Variants in CD300A observed in about 807,000 individuals in gnomAD.
CD300A encodes the protein CMRF35-like molecule 8.
CD300A carries 22 observed loss-of-function variants against 33.6 expected under a neutral mutation model. That is an observed-to-expected ratio of 0.66 (90% CI 0.47 to 0.94). The LOEUF (loss-of-function observed/expected upper bound fraction) is 0.94, where lower values mean the gene tolerates loss of function less well. CD300A is among the 40% of genes least tolerant of loss of function. The pLI is 0.00. For synonymous variants in CD300A, 136 were observed against 148.1 expected, an observed-to-expected ratio of 0.92 and a Z score of 0.59; for missense variants, 326 against 360.5, an observed-to-expected ratio of 0.90 and a Z score of 0.77.
intron 4 of CD300A, among the ~76,000 whole-genome samples, chr17:74,479,557 C>T (rs2144532259): frequency 6.6e-6 from 1 of 152,202 alleles, no homozygotes; most frequent in African/African-American, 2.4e-5. Flanking sequence ...AACAAATTGG[C>T]CTCATACCAC....
chr17:74,481,627 G>A (rs1906853833), intron 5 of CD300A, 99 bp from the exon 6 acceptor site: 1 of 841,680 alleles, frequency 1.2e-6, no homozygotes, highest in Non-Finnish European at 1.9e-6. Context: ...GGGGGCTGAG[G>A]TGCTCAGAGC....
intron 3 of CD300A, among the ~76,000 whole-genome samples, chr17:74,475,359 A>G (rs1295564795): frequency 2.6e-5 from 4 of 152,152 alleles, no homozygotes; most frequent in Non-Finnish European, 1.5e-5. Flanking sequence ...TTGGGTGGGG[A>G]CCCAGCCAAC....
chr17:74,473,802 T>C lies in CD300A; in HGVS notation c.307T>C (p.Cys103Arg), dbSNP rs1180955236. The C allele has an allele frequency of 3.1e-6, 5 of 1,614,144 alleles. No individual in the cohort carries two copies. The highest frequency in any genetic ancestry group is 4.2e-6 in the Non-Finnish European group (5 of 1,180,016). Residue 103 changes from cysteine to arginine, a missense_variant, in exon 2 of 7, where the codon TGT becomes CGT. Coordinates refer to ENST00000360141, the MANE Select transcript of CD300A (RefSeq NM_007261.4). ...AGAGGAGGATGCAGGCACCTACTGG[T>C]GTGGGGTGGATACACCATGGCTCCG... is the stretch of plus-strand genomic sequence containing the variant. ...LTEEDAGTYW[C>R]GVDTPWLRDF... is the part of the protein sequence containing the mutation.
chr17:74,481,900 T>C, intron 6 of CD300A, 67 bp downstream of exon 6: 3 of 1,221,490 alleles, frequency 2.5e-6, no homozygotes, highest in Non-Finnish European at 3.5e-6. Flanking sequence ...CCTGGGAGGG[T>C]GGGCAGAAGG....
At chr17:74,479,312 C>T (rs1906684157) in intron 4 of CD300A, among the ~76,000 whole-genome samples, 1 of 152,116 alleles carries the variant, frequency 6.6e-6, no homozygotes, top group Non-Finnish European at 1.5e-5. Flanking sequence ...TCTTGGCTCA[C>T]TCCAGCCTCG....
At chr17:74,472,585 G>A (rs962345467) in intron 1 of CD300A, among the ~76,000 whole-genome samples, 9 of 151,546 alleles carry the variant, frequency 5.9e-5, no homozygotes, top group African/African-American at 1.7e-4. Context: ...GAAAGTTTTC[G>A]TCAGCAAGCC....
At chr17:74,474,732 G>A in intron 3 of CD300A, 47 bp downstream of exon 3, 3 of 1,600,366 alleles carry the variant, frequency 1.9e-6, no homozygotes, top group Non-Finnish European at 2.6e-6. Flanking sequence ...TGTGCTAAGA[G>A]GAGGAGCCCA....
intron 6 of CD300A, among the ~76,000 whole-genome samples, chr17:74,482,458 T>G (rs541090658): frequency 2.6e-5 from 4 of 151,950 alleles, no homozygotes; most frequent in Non-Finnish European, 5.9e-5. Context: ...GGGACATTGT[T>G]GCTGGTCTGC....
chr17:74,469,321 G>A (rs905856972), intron 1 of CD300A, among the ~76,000 whole-genome samples: 6 of 151,522 alleles, frequency 4.0e-5, no homozygotes, highest in East Asian at 3.9e-4. Context: ...CCAGGAGTCC[G>A]AGACTGGCCT....
chr17:74,466,984 G>C, intron 1 of CD300A: 1 of 1,405,906 alleles, frequency 7.1e-7, no homozygotes, highest in Non-Finnish European at 9.2e-7. Context: ...AGCGGGGCAA[G>C]TGATAAGGGG....
At chr17:74,469,128 T>C (rs541001925) in intron 1 of CD300A, among the ~76,000 whole-genome samples, 1 of 152,258 alleles carries the variant, frequency 6.6e-6, no homozygotes, top group South Asian at 2.1e-4. Context: ...TTCCTTGAAG[T>C]TTTTAGAGAA....
At chr17:74,477,131 C>T (rs1413303598) in intron 3 of CD300A, among the ~76,000 whole-genome samples, 1 of 152,026 alleles carries the variant, frequency 6.6e-6, no homozygotes, top group Non-Finnish European at 1.5e-5. Context: ...TTTTGGGAGG[C>T]TGAGGCAGGA....
chr17:74,466,433 G>A, upstream of CD300A: 1 of 549,556 alleles, frequency 1.8e-6, no homozygotes, highest in Non-Finnish European at 3.3e-6. Context: ...AGTCACTACA[G>A]GGAGAGGTCT....
At chr17:74,473,421 T>G in intron 1 of CD300A, 115 bp from the exon 2 acceptor site, 1 of 969,732 alleles carries the variant, frequency 1.0e-6, no homozygotes, top group South Asian at 1.6e-5. Context: ...GGACAAGGCC[T>G]CTCTGCCTGC....
intron 6 of CD300A, among the ~76,000 whole-genome samples, chr17:74,482,943 C>T (rs1404864075): frequency 6.6e-6 from 1 of 151,814 alleles, no homozygotes; most frequent in Non-Finnish European, 1.5e-5. Context: ...CTCCTGACCT[C>T]AAGTGATCCG....
At position 74,473,560 on chromosome 17, in the gene CD300A, G is replaced by A; in HGVS notation, c.65G>A (p.Arg22Lys). 6.2e-7 allele frequency: 1 copy of A among 1,613,880 alleles called. No individual in the cohort carries two copies. Among genetic ancestry groups the A allele is most frequent in the Non-Finnish European group, 8.5e-7 (1 of 1,179,838 alleles). The stretch of plus-strand genomic sequence containing the variant: ...GGATGTTTTGCTCTGAGCAAATGCA[G>A]GACCGTGGCGGGCCCCGTGGGGGGA... ...VPGCFALSKC[R>K]TVAGPVGGSL... Residue 22 changes from arginine (R) to lysine (K), a missense_variant, in exon 2 of 7, where the codon AGG becomes AAG. Physicochemically the swap from Arg to Lys is conservative, Grantham distance 26. Transcript: ENST00000360141.
At chr17:74,477,343 C>T (rs1906533043) in intron 3 of CD300A, 93 bp from the exon 4 acceptor site, 2 of 816,846 alleles carry the variant, frequency 2.4e-6, no homozygotes, top group Admixed American at 5.1e-5. Flanking sequence ...GAGCCAGATC[C>T]TGTCTCAAAA....
At chr17:74,481,443 A>G (rs1906841529) in intron 5 of CD300A, 117 bp downstream of exon 5, 1 of 924,858 alleles carries the variant, frequency 1.1e-6, no homozygotes, top group East Asian at 2.4e-5. Context: ...GAGCTCACCC[A>G]GAGCAGGACG....
intron 4 of CD300A, among the ~76,000 whole-genome samples, chr17:74,477,792 C>G (rs139429363): frequency 2.0e-3 from 305 of 152,172 alleles, no homozygotes; most frequent in African/African-American, 6.9e-3. Context: ...AAGCAATGAC[C>G]CTCTTCTGTT....
Sources: allele counts gnomAD v4.1 joint callset (sites outside exome capture counted in the v4.1 genomes callset), GRCh38; gene constraint gnomAD v4.1.1; transcripts MANE v1.5; gene names NCBI Gene and HGNC (gene_info 2026-07-23, HGNC 2026-07-21).